Variants in CD59 observed in about 807,000 individuals in gnomAD.
CD59 encodes CD59 molecule (CD59 blood group).
A neutral mutation model predicts 7.0 loss-of-function variants in CD59; 3 were observed. The observed-to-expected ratio is 0.43, with a 90% CI of 0.19 to 1.10. The LOEUF (loss-of-function observed/expected upper bound fraction) is 1.10. Among genes scored for constraint, CD59 ranks in the 50% least tolerant of loss-of-function variants. CD59 has a pLI of 0.29. For synonymous variants in CD59, 60 were observed against 62.0 expected (o/e 0.97, Z 0.15); for missense variants, 143 against 151.0 (o/e 0.95, Z 0.28).
chr11:33,735,438 GT>G (rs1351075619), intron 1 of CD59, among the ~76,000 whole-genome samples: 1 of 152,140 alleles, frequency 6.6e-6, no homozygotes, highest in African/African-American at 2.4e-5. Flanking sequence ...TTCTTTGTGG[GT>G]TTTGTTCGTT....
In CD59 at chr11:33,729,566, AACG is replaced by A. The variant is rs1162879362; in HGVS notation, c.-19+6813_-19+6815del. Among the ~76,000 whole-genome samples the A allele has an allele frequency of 3.3e-5, 5 of 152,210 alleles. No individual in the cohort carries two copies. The East Asian group carries it at 9.6e-4, about 29-fold the overall frequency. ...AGCATTAGGAGAAATACCTAATGTAAACGACAAGTTGATGGGTGCAGCACACCA... is the reference window on the plus strand; with the variant it reads ...AGCATTAGGAGAAATACCTAATGTAAACAAGTTGATGGGTGCAGCACACCA... On this transcript the variant is annotated intron_variant, in intron 1 of 3. Coordinates refer to ENST00000642928, the MANE Select transcript of CD59 (RefSeq NM_000611.6).
At chr11:33,735,526 C>T (rs1854540276) in intron 1 of CD59, among the ~76,000 whole-genome samples, 1 of 152,144 alleles carries the variant, frequency 6.6e-6, no homozygotes, top group Non-Finnish European at 1.5e-5. Context: ...ACCTCAGCCT[C>T]CCGGGTTAAT....
Position 33,704,118 on chromosome 11 carries a change from A to C in CD59, c.*6008T>G, listed in dbSNP as rs1853212459. The C allele has an allele frequency of 6.6e-6, 1 of 152,172 alleles. No individual in the cohort carries two copies. Among genetic ancestry groups the C allele is most frequent in the African/African-American group, 2.4e-5 (1 of 41,398 alleles). The allele number at this position is 152,172 out of a possible 1,614,324, so 9.4% of individuals were successfully genotyped here. A position where few individuals can be genotyped will look rare whatever the true frequency, so the allele number is the denominator to read the frequency against. On this transcript the variant is annotated 3_prime_UTR_variant, in exon 4 of 4. Coordinates refer to ENST00000642928, the MANE Select transcript of CD59 (RefSeq NM_000611.6). ...CCAGGTGCTCAGCCTCTTTAGGGAT[A>C]TGTCACAATTTGCCGTGCCCGGTGG...
chr11:33,709,002 G>C lies in CD59; in HGVS notation c.*1124C>G, dbSNP rs1803260. 1.3e-5 allele frequency: 2 copies of C among 152,110 alleles called. No individual in the cohort carries two copies. The highest frequency in any genetic ancestry group is 2.9e-5 in the Non-Finnish European group (2 of 68,026). The allele number at this position is 152,110 out of a possible 1,614,324, so 9.4% of individuals were successfully genotyped here. A position where few individuals can be genotyped will look rare whatever the true frequency, so the allele number is the denominator to read the frequency against. ...AATGTCATTAGGTCTACTGAATCTT[G>C]AGATTCATTCACTAGAATACACAGG... On this transcript the variant is annotated 3_prime_UTR_variant, in exon 4 of 4. Transcript: ENST00000642928.
intron 1 of CD59, among the ~76,000 whole-genome samples, chr11:33,730,960 A>G (rs1431297118): frequency 2.0e-5 from 3 of 152,214 alleles, no homozygotes; most frequent in African/African-American, 7.2e-5. Flanking sequence ...GGTATCAATA[A>G]CTATAGTACA....
chr11:33,731,489 G>T (rs1854416430), intron 1 of CD59: 1 of 152,076 alleles, frequency 6.6e-6, no homozygotes, highest in Admixed American at 6.6e-5. Context: ...AATAAAAGAG[G>T]GTCATAACAG....
chr11:33,712,910 A>G lies in CD59; in HGVS notation c.170-2567T>C, dbSNP rs114944247. On this transcript the variant is annotated intron_variant, in intron 3 of 3. Transcript: ENST00000642928. The stretch of plus-strand genomic sequence containing the variant: ...TCTGGAAGGATTCCCAAGTAATTTA[A>G]TAGTGTTATCATCATGGAAGAATAC... 3.7e-3 allele frequency among the ~76,000 whole-genome samples: 559 copies of G among 152,336 alleles called. 2 individuals carry two copies. Among genetic ancestry groups the G allele is most frequent in the African/African-American group, 0.013 (524 of 41,572 alleles).
chr11:33,716,358 T>A (rs1425012712), intron 3 of CD59, among the ~76,000 whole-genome samples: 1 of 152,210 alleles, frequency 6.6e-6, no homozygotes, highest in Non-Finnish European at 1.5e-5. Flanking sequence ...AAGGCTTTTC[T>A]GAGTTTACCT....
chr11:33,717,884 C>G (rs957435886), intron 2 of CD59: 4 of 244,440 alleles, frequency 1.6e-5, no homozygotes, highest in Non-Finnish European at 3.3e-5. Flanking sequence ...CAATACCTAT[C>G]TGCGTGAAAA....
chr11:33,718,567 T>C (rs1853908400), intron 2 of CD59: 1 of 152,174 alleles, frequency 6.6e-6, no homozygotes, highest in Non-Finnish European at 1.5e-5. Flanking sequence ...AACTACCCCC[T>C]TCTAAGGGAC....
In CD59 at chr11:33,709,985, T is replaced by C. The variant is rs1853466753; in HGVS notation, c.*141A>G. 2.7e-6 allele frequency: 2 copies of C among 743,478 alleles called. No homozygotes were observed. The highest frequency in any genetic ancestry group is 3.0e-5 in the South Asian group (2 of 67,088). The allele number at this position is 743,478 out of a possible 1,614,324, so 46.1% of individuals were successfully genotyped here. On this transcript the variant is annotated 3_prime_UTR_variant, in exon 4 of 4. Coordinates refer to ENST00000642928, the MANE Select transcript of CD59 (RefSeq NM_000611.6). Reference sequence around the variant, plus strand: ...TTCAAAGTCTCCCAGAGCCCCTCTATCTTAGCCAGGTTGCTCAAGCTAATT... The same window carrying C: ...TTCAAAGTCTCCCAGAGCCCCTCTACCTTAGCCAGGTTGCTCAAGCTAATT...
intron 3 of CD59, among the ~76,000 whole-genome samples, chr11:33,716,531 G>A (rs897204025): frequency 8.5e-5 from 13 of 152,108 alleles, no homozygotes; most frequent in African/African-American, 2.7e-4. Context: ...GCCATTCCTC[G>A]CTGGCATCAT....
At chr11:33,720,880 T>G (rs766128400) in intron 2 of CD59, among the ~76,000 whole-genome samples, 71 of 152,374 alleles carry the variant, frequency 4.7e-4, no homozygotes, top group Non-Finnish European at 7.8e-4. Context: ...GAGACCCTTT[T>G]GGGCAGCAGC....
chr11:33,713,432 A>C (rs368832914), intron 3 of CD59, among the ~76,000 whole-genome samples: 1 of 152,088 alleles, frequency 6.6e-6, no homozygotes, highest in Non-Finnish European at 1.5e-5. Context: ...AACTGCAGGC[A>C]TAACTGTCCT....
chr11:33,719,340 G>A (rs1853944275), intron 2 of CD59: 1 of 152,210 alleles, frequency 6.6e-6, no homozygotes, highest in Non-Finnish European at 1.5e-5. Context: ...CAACAAACTA[G>A]GCCAGGTGTG....
chr11:33,729,766 G>A (rs1854360701), intron 1 of CD59, among the ~76,000 whole-genome samples: 1 of 151,396 alleles, frequency 6.6e-6, no homozygotes, highest in Admixed American at 6.6e-5. Flanking sequence ...AATGTTCTGG[G>A]TATTTGGGTA....
At position 33,705,941 on chromosome 11, in the gene CD59, A is replaced by G. The variant is rs1350943406; in HGVS notation, c.*4185T>C. 1 of 152,132 alleles carries G rather than the reference A, an allele frequency of 6.6e-6. No individual in the cohort carries two copies. Among genetic ancestry groups the G allele is most frequent in the Non-Finnish European group, 1.5e-5 (1 of 68,032 alleles). 9.4% of individuals were successfully genotyped at this position (152,132 alleles called of 1,614,324 possible). On this transcript the variant is annotated 3_prime_UTR_variant, in exon 4 of 4. Coordinates refer to ENST00000642928, the MANE Select transcript of CD59 (RefSeq NM_000611.6). ...CTATTGAGAGTCAGCACCAGCACTG[A>G]TCATATATAGGATCAGCCTACTGGG... is the stretch of plus-strand genomic sequence containing the variant.
In CD59 at chr11:33,706,721, G is replaced by C. The variant is rs1224751020; in HGVS notation, c.*3405C>G. 1 of 152,174 alleles carries C rather than the reference G, an allele frequency of 6.6e-6. No homozygotes were observed. Among genetic ancestry groups the C allele is most frequent in the Non-Finnish European group, 1.5e-5 (1 of 68,034 alleles). 9.4% of individuals were successfully genotyped at this position (152,174 alleles called of 1,614,324 possible). On this transcript the variant is annotated 3_prime_UTR_variant, in exon 4 of 4. Coordinates refer to ENST00000642928, the MANE Select transcript of CD59 (RefSeq NM_000611.6). The stretch of plus-strand genomic sequence containing the variant: ...GAAACAGATGGGAAGATAGTGTTTT[G>C]ATATGATTTTCTGTTTACAGGAAGG...
chr11:33,720,378 T>C (rs1407508987), intron 2 of CD59, among the ~76,000 whole-genome samples: 1 of 152,108 alleles, frequency 6.6e-6, no homozygotes, highest in African/African-American at 2.4e-5. Context: ...AAGGAAACTC[T>C]AGATTATGGT....
Sources: allele counts gnomAD v4.1 joint callset (sites outside exome capture counted in the v4.1 genomes callset), GRCh38; gene constraint gnomAD v4.1.1; transcripts MANE v1.5; gene names NCBI Gene and HGNC (gene_info 2026-07-23, HGNC 2026-07-21).